The following ICE1 variants were observed in gnomAD, a reference collection of about 807,000 sequenced individuals.
ICE1 encodes the protein little elongation complex subunit 1.
In ICE1, 64 loss-of-function variants were observed where a neutral mutation model predicts 192.7. The ratio of observed to expected loss-of-function variants is 0.33; its 90% CI spans 0.27 to 0.41. The LOEUF is 0.41. ICE1 is among the 10% of genes least tolerant of loss of function. The pLI is 1.00. For missense variants in ICE1, 2,708 were observed against 2,696.0 expected (o/e 1.00, Z -0.10); for synonymous variants, 1,010 against 984.5 (o/e 1.03, Z -0.49).
chr5:5,483,840 A>G (rs758715364), intron 17 of ICE1, among the ~76,000 whole-genome samples: 20 of 152,324 alleles, frequency 1.3e-4, no homozygotes, highest in South Asian at 1.2e-3. Context: ...AGTGATTTCT[A>G]TCTGTTCTCT....
chr5:5,477,979 A>G (rs1739367182), intron 17 of ICE1, among the ~76,000 whole-genome samples: 1 of 152,280 alleles, frequency 6.6e-6, no homozygotes, highest in South Asian at 2.1e-4. Flanking sequence ...GGAACATAAC[A>G]TAATTAGAGC....
intron 10 of ICE1, among the ~76,000 whole-genome samples, chr5:5,454,204 C>G (rs971473726): frequency 6.6e-6 from 1 of 152,166 alleles, no homozygotes; most frequent in Non-Finnish European, 1.5e-5. Context: ...TCAAAGCACT[C>G]TCTGGTGAAA....
intron 11 of ICE1, 144 bp from the exon 12 acceptor site, chr5:5,457,188 G>T: frequency 1.4e-6 from 1 of 699,538 alleles, no homozygotes; most frequent in Non-Finnish European, 2.2e-6. Context: ...TTTAGAAAGC[G>T]ATTGGTTGCC....
intron 3 of ICE1, among the ~76,000 whole-genome samples, chr5:5,438,382 A>G (rs1328461327): frequency 6.6e-6 from 1 of 152,234 alleles, no homozygotes; most frequent in African/African-American, 2.4e-5. Flanking sequence ...TTCTGTGAAA[A>G]TCGTAAAATT....
rs750621813 is a variant in ICE1, at chr5:5,464,220, G to A, written c.4886G>A (p.Gly1629Glu). 1 of 1,613,338 alleles carries A rather than the reference G, an allele frequency of 6.2e-7. No individual in the cohort carries two copies. ...DTLSKIRQEV[G>E]PPLPPLLAPL... ...CTGAGTAAAATACGGCAAGAGGTGGGGCCTCCTTTGCCGCCTCTGCTTGCT... is the reference window on the plus strand; with the variant it reads ...CTGAGTAAAATACGGCAAGAGGTGGAGCCTCCTTTGCCGCCTCTGCTTGCT... Residue 1629 changes from glycine (G) to glutamate (E), a missense_variant, in exon 13 of 19, where the codon GGG (glycine) becomes GAG (glutamate). Around this residue, in one of 2 missense-constraint regions of ICE1, gnomAD observed 2,366 missense variants for 2,276.6 expected, o/e 1.04. Transcript: ENST00000296564. The surrounding 1 kb of genome is among the most constrained non-coding windows in gnomAD (Gnocchi z 4.0).
chr5:5,462,761 G>A lies in ICE1; in HGVS notation c.3427G>A (p.Val1143Met). 1 of 1,613,794 alleles carries A rather than the reference G, an allele frequency of 6.2e-7. No homozygotes were observed. Among genetic ancestry groups the A allele is most frequent in the Non-Finnish European group, 8.5e-7 (1 of 1,179,776 alleles). ...LGDTDAAVAE[V>M]RPSLEVGYLT... The stretch of plus-strand genomic sequence containing the variant: ...AGACACAGATGCTGCTGTAGCCGAG[G>A]TGAGACCTTCCTTAGAGGTAGGTTA... Residue 1143 changes from valine to methionine, a missense_variant, in exon 13 of 19, where the codon GTG (valine) becomes ATG (methionine). Coordinates refer to ENST00000296564, the MANE Select transcript of ICE1 (RefSeq NM_015325.3).
chr5:5,435,486 A>G (rs1324043213), intron 1 of ICE1, among the ~76,000 whole-genome samples: 1 of 152,162 alleles, frequency 6.6e-6, no homozygotes, highest in African/African-American at 2.4e-5. Context: ...TATGTTTAAA[A>G]GTAAGTCCTT....
At chr5:5,480,395 G>A (rs1304785701) in intron 17 of ICE1, among the ~76,000 whole-genome samples, 1 of 151,570 alleles carries the variant, frequency 6.6e-6, no homozygotes, top group Non-Finnish European at 1.5e-5. Context: ...GACTACAGGC[G>A]CCCGCCACCA....
At position 5,463,590 on chromosome 5, in the gene ICE1, A is replaced by G. The variant is rs980280073; in HGVS notation, c.4256A>G (p.Glu1419Gly). Residue 1419 changes from glutamate to glycine, a missense_variant, in exon 13 of 19, where the codon GAA (glutamate) becomes GGA (glycine). Coordinates refer to ENST00000296564, the MANE Select transcript of ICE1 (RefSeq NM_015325.3). Reference protein sequence around the residue: ...LINKDQNLVIEKGDNWTIISG... With the variant: ...LINKDQNLVIGKGDNWTIISG... ...AATAAGGATCAGAATCTAGTCATTG[A>G]AAAGGGGGACAACTGGACAATCATC... The G allele has an allele frequency of 5.0e-6, 8 of 1,613,908 alleles. No homozygotes were observed. The South Asian group carries it at 5.5e-5, about 11-fold the overall frequency.
At chr5:5,474,052 T>A (rs1739242674) in intron 16 of ICE1, among the ~76,000 whole-genome samples, 1 of 151,794 alleles carries the variant, frequency 6.6e-6, no homozygotes, top group Non-Finnish European at 1.5e-5. Context: ...CTACTAAAAA[T>A]ACAAAAAATT....
At chr5:5,465,500 T>C (rs1347524135) in intron 13 of ICE1, among the ~76,000 whole-genome samples, 1 of 152,232 alleles carries the variant, frequency 6.6e-6, no homozygotes, top group Non-Finnish European at 1.5e-5. Context: ...ATCCACTTGA[T>C]CCTGGCATGT....
At chr5:5,466,530 T>C (rs1217501769) in intron 14 of ICE1, 28 bp downstream of exon 14, 1 of 1,576,100 alleles carries the variant, frequency 6.3e-7, no homozygotes, top group African/African-American at 1.4e-5. Context: ...CAATTTTGTA[T>C]TGAAAATATA....
chr5:5,465,865 A>G (rs1327240658), intron 13 of ICE1, among the ~76,000 whole-genome samples: 2 of 152,216 alleles, frequency 1.3e-5, no homozygotes, highest in East Asian at 3.8e-4. Context: ...GCATATATCA[A>G]ATTATGTAAT....
At chr5:5,481,290 AT>A (rs144724823) in intron 17 of ICE1, among the ~76,000 whole-genome samples, 2 of 152,032 alleles carry the variant, frequency 1.3e-5, no homozygotes, top group Non-Finnish European at 2.9e-5. Context: ...AAATATGGTG[AT>A]TTTTTTGTTC....
chr5:5,473,868 A>T (rs1349053004), intron 16 of ICE1, 120 bp downstream of exon 16: 9 of 656,740 alleles, frequency 1.4e-5, no homozygotes, highest in African/African-American at 1.9e-5. Context: ...AAACATTTAC[A>T]AATTACACTG....
At chr5:5,440,459 TGTAAA>T (rs926813278) in intron 4 of ICE1, among the ~76,000 whole-genome samples, 2 of 152,204 alleles carry the variant, frequency 1.3e-5, no homozygotes, top group African/African-American at 4.8e-5. Context: ...GTGATTTTAC[TGTAAA>T]GTATTCTTCA....
At chr5:5,426,122 G>T (rs1233708066) in intron 1 of ICE1, among the ~76,000 whole-genome samples, 1 of 152,196 alleles carries the variant, frequency 6.6e-6, no homozygotes, top group African/African-American at 2.4e-5. Context: ...GAAATAGCAG[G>T]CCAGGTTAGA....
Position 5,461,800 on chromosome 5 carries a change from A to G in ICE1, c.2466A>G (p.Ala822=), listed in dbSNP as rs528435802. 2.5e-6 allele frequency: 4 copies of G among 1,614,050 alleles called. No individual in the cohort carries two copies. The African/African-American group carries it at 4.0e-5, about 16-fold the overall frequency. The change falls in exon 13 of 19, where the codon GCA becomes GCG. Residue 822 remains alanine (A), a synonymous_variant. Transcript: ENST00000296564. ...AGACTAGCCATCAGTTACAAAAGGC[A>G]ATGCCATTCCTACAAAATAGAGGAC... is the stretch of plus-strand genomic sequence containing the variant. ...EQKTSHQLQK[A]MPFLQNRGPT...
Position 5,464,962 on chromosome 5 carries a change from T to C in ICE1, c.5628T>C (p.Pro1876=). Residue 1876 remains proline, a synonymous_variant, in exon 13 of 19, where the codon CCT becomes CCC. Transcript: ENST00000296564. This position sits in a 1 kb window ranked among gnomAD's most constrained non-coding sequence, Gnocchi z 4.0. ...GIHKNLPGNL[P]PAEVATTNEE... ...ACAAAAACCTCCCAGGGAACCTCCC[T>C]CCAGCTGAAGTTGCAACAACAAATG... 6.2e-7 allele frequency: 1 copy of C among 1,613,718 alleles called. No homozygotes were observed. Among genetic ancestry groups the C allele is most frequent in the Non-Finnish European group, 8.5e-7 (1 of 1,179,754 alleles).
Sources: gnomAD v4.1 joint callset for allele counts (sites outside exome capture counted in the v4.1 genomes callset) on GRCh38, gnomAD v4.1.1 for gene constraint, gnomAD v4.1.1 regional missense constraint, Gnocchi (gnomAD v3.1) non-coding constraint, MANE v1.5 for transcripts, NCBI Gene and HGNC (gene_info 2026-07-23, HGNC 2026-07-21) for gene names.